Variants in ILDR1 observed in about 807,000 individuals in gnomAD.
The protein encoded by ILDR1 is immunoglobulin-like domain-containing receptor 1.
A neutral mutation model predicts 62.4 loss-of-function variants in ILDR1; 56 were observed. The observed-to-expected ratio is 0.90, with a 90% confidence interval of 0.72 to 1.12. The LOEUF (loss-of-function observed/expected upper bound fraction) is 1.12, where lower values mean the gene tolerates loss of function less well. Among genes scored for constraint, ILDR1 ranks in the 50% most tolerant of loss-of-function variants. ILDR1 has a pLI of 0.00. For synonymous variants in ILDR1, 284 were observed against 277.8 expected (o/e 1.02, Z -0.22); for missense variants, 736 against 710.6 (o/e 1.04, Z -0.41).
chr3:122,054,569 G>A, the ILDR1 span, among the ~76,000 whole-genome samples: 1 of 151,902 alleles, frequency 6.6e-6, no homozygotes, highest in Non-Finnish European at 1.5e-5. Flanking sequence ...TTTCTCTGTA[G>A]TCATTCTGTT....
upstream of ILDR1, among the ~76,000 whole-genome samples, chr3:122,027,141 G>A (rs1401274873): frequency 6.6e-6 from 1 of 151,804 alleles, no homozygotes; most frequent in Admixed American, 6.6e-5. Flanking sequence ...TTCTTTTTTT[G>A]TTACTGTTTT....
chr3:121,990,114 G>A (rs1324214933), intron 7 of ILDR1, among the ~76,000 whole-genome samples: 2 of 152,144 alleles, frequency 1.3e-5, no homozygotes, highest in African/African-American at 2.4e-5. Context: ...AATTGTATTA[G>A]GATGTTTCAC....
the ILDR1 span, among the ~76,000 whole-genome samples, chr3:122,054,994 G>A: frequency 7.9e-5 from 12 of 151,816 alleles, no homozygotes; most frequent in African/African-American, 1.5e-4. Flanking sequence ...GTGGAAATTG[G>A]CAGGGTTAGG....
the ILDR1 span, among the ~76,000 whole-genome samples, chr3:122,043,206 G>C: frequency 6.2e-5 from 9 of 145,506 alleles, no homozygotes; most frequent in Non-Finnish European, 1.4e-4. Context: ...TCTCAGGTTT[G>C]TCAAAGATCA....
chr3:121,993,413 TCTCCTGACAGCGG>T lies in ILDR1; in HGVS notation c.1323_1335del (p.Ser441ArgfsTer135), dbSNP rs1199103024. 1.9e-6 allele frequency: 3 copies of T among 1,613,626 alleles called. No individual in the cohort carries two copies. The highest frequency in any genetic ancestry group is 2.5e-6 in the Non-Finnish European group (3 of 1,179,792). The stretch of plus-strand genomic sequence containing the variant: ...TCCCGGGGGCTGGGCCTGCGGGGCC[TCTCCTGACAGCGG>T]CTCCTGAAAGGAGGGTGGCTCGGCC... On this transcript the variant is annotated frameshift_variant, in exon 7 of 8. Transcript: ENST00000344209. LOFTEE classifies it high-confidence loss of function.
the ILDR1 span, among the ~76,000 whole-genome samples, chr3:122,039,832 T>A: frequency 6.6e-6 from 1 of 152,010 alleles, no homozygotes; most frequent in Non-Finnish European, 1.5e-5. Flanking sequence ...GTTTATAACA[T>A]GGGTAAAAAT....
Position 121,993,622 on chromosome 3 carries a change from A to T in ILDR1, c.1127T>A (p.Phe376Tyr). The change falls in exon 7 of 8, where the codon TTC (phenylalanine) becomes TAC (tyrosine). Residue 376 changes from phenylalanine to tyrosine, a missense_variant. Physicochemically the swap from Phe to Tyr is conservative, Grantham distance 22. Coordinates refer to ENST00000344209, the MANE Select transcript of ILDR1 (RefSeq NM_001199799.2). The part of the protein sequence containing the change: ...EGRSHHHYPD[F>Y]HQELQDRGPK... ...CCCCCGGTCCTGGAGCTCCTGGTGG[A>T]AATCAGGGTAATGGTGGTGGCTTCT... 1 of 1,614,124 alleles carries T rather than the reference A, an allele frequency of 6.2e-7. No homozygotes were observed. Among genetic ancestry groups the T allele is most frequent in the Non-Finnish European group, 8.5e-7 (1 of 1,180,006 alleles).
the ILDR1 span, chr3:122,055,312 G>A: frequency 8.3e-6 from 5 of 602,718 alleles, no homozygotes; most frequent in African/African-American, 7.4e-5. Flanking sequence ...AAAATCTGTA[G>A]AGAAAAGAGG....
the ILDR1 span, among the ~76,000 whole-genome samples, chr3:122,041,756 C>T: frequency 0.55 from 83,781 of 151,662 alleles, 24,200 homozygotes; most frequent in African/African-American, 0.71. Context: ...GTGTTGATTT[C>T]GTATCTTGCA....
the ILDR1 span, among the ~76,000 whole-genome samples, chr3:122,035,832 T>C: frequency 6.6e-6 from 1 of 152,186 alleles, no homozygotes; most frequent in African/African-American, 2.4e-5. Flanking sequence ...AGAATATTGG[T>C]ACCAGGAAAG....
At chr3:122,042,633 A>AT in the ILDR1 span, among the ~76,000 whole-genome samples, 83 of 151,748 alleles carry the variant, frequency 5.5e-4, no homozygotes, top group African/African-American at 1.7e-3. Context: ...ATGGTATCTC[A>AT]TTGTGGTTTT....
Position 121,993,587 on chromosome 3 carries a change from A to G in ILDR1, c.1162T>C (p.Trp388Arg), listed in dbSNP as rs35661993. The G allele has an allele frequency of 3.1e-3, 5,029 of 1,614,156 alleles. 117 individuals are homozygous for G. In the African/African-American group the frequency reaches 0.052, roughly 17 times the overall value. Residue 388 changes from tryptophan to arginine, a missense_variant, in exon 7 of 8, where the codon TGG (tryptophan) becomes CGG (arginine). Trp to Arg is a moderately radical substitution (Grantham distance 101). Coordinates refer to ENST00000344209, the MANE Select transcript of ILDR1 (RefSeq NM_001199799.2). The part of the protein sequence containing the change: ...QELQDRGPKS[W>R]ALERRELDPS... Reference sequence around the variant, plus strand: ...TCCAACTCCCTTCTTTCCAATGCCCAAGACTTTGGCCCCCGGTCCTGGAGC... The same window carrying G: ...TCCAACTCCCTTCTTTCCAATGCCCGAGACTTTGGCCCCCGGTCCTGGAGC...
the ILDR1 span, among the ~76,000 whole-genome samples, chr3:122,035,939 T>C: frequency 1.3e-5 from 2 of 152,182 alleles, no homozygotes; most frequent in Admixed American, 6.5e-5. Flanking sequence ...CAGAAGAAGA[T>C]AGGAAGATGT....
intron 1 of ILDR1, among the ~76,000 whole-genome samples, chr3:122,018,290 G>A (rs548701284): frequency 6.7e-6 from 1 of 148,274 alleles, no homozygotes; most frequent in African/African-American, 2.5e-5. Context: ...CTATCACAAG[G>A]ACAAAAAACC....
the ILDR1 span, among the ~76,000 whole-genome samples, chr3:122,050,336 CTT>C: frequency 6.6e-6 from 1 of 152,048 alleles, no homozygotes; most frequent in Non-Finnish European, 1.5e-5. Flanking sequence ...TTCTGTTGCT[CTT>C]TTTATCTCTT....
upstream of ILDR1, among the ~76,000 whole-genome samples, chr3:122,026,564 A>G (rs1252638007): frequency 6.6e-6 from 1 of 152,232 alleles, no homozygotes; most frequent in Admixed American, 6.5e-5. Flanking sequence ...GTACTGGACC[A>G]CCAAAATAAA....
chr3:122,013,704 G>A (rs1218863975), intron 1 of ILDR1, among the ~76,000 whole-genome samples: 2 of 152,028 alleles, frequency 1.3e-5, no homozygotes, highest in African/African-American at 4.8e-5. Flanking sequence ...AAGAGGGAGT[G>A]GTCACGAACA....
intron 6 of ILDR1, 99 bp downstream of exon 6, chr3:121,994,083 G>T: frequency 6.7e-7 from 1 of 1,501,472 alleles, no homozygotes; most frequent in Non-Finnish European, 9.0e-7. Context: ...TCTCCATCAT[G>T]AAGATGCCTG....
intron 5 of ILDR1, among the ~76,000 whole-genome samples, chr3:121,997,227 CT>C (rs1479184429): frequency 6.6e-6 from 1 of 152,188 alleles, no homozygotes; most frequent in Non-Finnish European, 1.5e-5. Flanking sequence ...CCTATGGTCA[CT>C]TAGTCTATTT....
Sources: allele counts gnomAD v4.1 joint callset (sites outside exome capture counted in the v4.1 genomes callset), GRCh38; gene constraint gnomAD v4.1.1; transcripts MANE v1.5; gene names NCBI Gene and HGNC (gene_info 2026-07-23, HGNC 2026-07-21).